ECE1: variants seen among roughly 807,000 people sequenced by gnomAD.
ECE1 encodes the protein endothelin converting enzyme 1.
In ECE1, 35 loss-of-function variants were observed where a neutral mutation model predicts 98.6. The ratio of observed to expected loss-of-function variants is 0.35; its 90% CI spans 0.27 to 0.47. ECE1 has a LOEUF of 0.47. Among genes scored for constraint, ECE1 ranks in the 20% least tolerant of loss-of-function variants. The pLI is 1.00. For synonymous variants in ECE1, 394 were observed against 407.1 expected, an observed-to-expected ratio of 0.97 and a Z score of 0.39; for missense variants, 814 against 1,025.3, an observed-to-expected ratio of 0.79 and a Z score of 2.81.
rs1638991653 is a variant in ECE1, at chr1:21,322,729, G to GA, written c.3+22646dup. On this transcript the variant is annotated intron_variant, in intron 1 of 18. Coordinates refer to the ECE1 transcript ENST00000415912. This position sits in a 1 kb window ranked among gnomAD's most constrained non-coding sequence, Gnocchi z 4.1. ...AGAGGCACAGGAAAGGGGGCAGACA[G>GA]ACAAGGGCCTCTTGTCAGGAAGGAC... is the stretch of plus-strand genomic sequence containing the variant. Among the ~76,000 whole-genome samples, 2 of 152,226 alleles carry GA rather than the reference G, an allele frequency of 1.3e-5. No individual in the cohort carries two copies. The highest frequency in any genetic ancestry group is 2.4e-5 in the African/African-American group (1 of 41,452).
chr1:21,288,190 T>C lies in ECE1; in HGVS notation c.138+1880A>G, dbSNP rs117892821. On this transcript the variant is annotated intron_variant, in intron 2 of 18. Transcript: ENST00000374893. ...CAAGGAAAGTGGAAAATGTATCCAT[T>C]TGGGGACAGGACACTAACTCCAACC... Among the ~76,000 whole-genome samples, 468 of 152,312 alleles carry C rather than the reference T, an allele frequency of 3.1e-3. 7 individuals are homozygous for C. In the East Asian group the frequency reaches 0.046, roughly 15 times the overall value.
intron 4 of ECE1, among the ~76,000 whole-genome samples, chr1:21,269,850 T>C (rs938643389): frequency 6.6e-6 from 1 of 152,310 alleles, no homozygotes; most frequent in African/African-American, 2.4e-5. Flanking sequence ...ACTTCAGAAC[T>C]CTGCGGTCTG....
intron 3 of ECE1, among the ~76,000 whole-genome samples, chr1:21,276,684 CTTTT>C (rs1163785168): frequency 4.8e-5 from 6 of 124,574 alleles, no homozygotes; most frequent in Non-Finnish European, 1.7e-5. Flanking sequence ...GATTTGCTTT[CTTTT>C]TTTTTTTTTT....
intron 10 of ECE1, among the ~76,000 whole-genome samples, chr1:21,244,690 TA>T (rs1246240266): frequency 6.6e-6 from 1 of 152,106 alleles, no homozygotes; most frequent in Non-Finnish European, 1.5e-5. Flanking sequence ...GGGGAAGAAG[TA>T]ATACTATTGG....
intron 3 of ECE1, among the ~76,000 whole-genome samples, chr1:21,278,766 A>G (rs1324383128): frequency 6.6e-6 from 1 of 152,166 alleles, no homozygotes; most frequent in Non-Finnish European, 1.5e-5. Context: ...ATGTCAGCCT[A>G]TGTGTGTAAT....
rs2098166585 is a variant in ECE1 at position 21,220,918 on chromosome 1, G to C, written c.2137-787C>G. ...GGAAGAGACAGTGGGCTGGTGTAGG[G>C]CTGGTGTGCCACCCCCCATGCCAGC... is the stretch of plus-strand genomic sequence containing the variant. On this transcript the variant is annotated intron_variant, in intron 18 of 18. Coordinates refer to ENST00000374893, the MANE Select transcript of ECE1 (RefSeq NM_001397.3). This position sits in a 1 kb window ranked among gnomAD's most constrained non-coding sequence, Gnocchi z 5.0. Among the ~76,000 whole-genome samples, 1 of 152,128 alleles carries C rather than the reference G, an allele frequency of 6.6e-6. No homozygotes were observed. Among genetic ancestry groups the C allele is most frequent in the South Asian group, 2.1e-4 (1 of 4,830 alleles).
chr1:21,220,524 G>A lies in ECE1; in HGVS notation c.2137-393C>T, dbSNP rs2098165981. Reference sequence around the variant, plus strand: ...AAAAAGCAAAACAAGGTTGGGTGTGGTGGCTCATACCTGTAATCCCAGCAC... The same window carrying A: ...AAAAAGCAAAACAAGGTTGGGTGTGATGGCTCATACCTGTAATCCCAGCAC... On this transcript the variant is annotated intron_variant, in intron 18 of 18. Coordinates refer to ENST00000374893, the MANE Select transcript of ECE1 (RefSeq NM_001397.3). The surrounding 1 kb of genome is among the most constrained non-coding windows in gnomAD (Gnocchi z 5.0). Among the ~76,000 whole-genome samples, 1 of 152,056 alleles carries A rather than the reference G, an allele frequency of 6.6e-6. No individual in the cohort carries two copies.
chr1:21,335,373 C>G (rs543729471), intron 1 of ECE1, among the ~76,000 whole-genome samples: 1 of 152,192 alleles, frequency 6.6e-6, no homozygotes, highest in Non-Finnish European at 1.5e-5. Context: ...AGCTTCCTCC[C>G]CTAGAGTGCA....
At chr1:21,250,925 T>C (rs887041731) in intron 8 of ECE1, among the ~76,000 whole-genome samples, 1 of 152,014 alleles carries the variant, frequency 6.6e-6, no homozygotes, top group African/African-American at 2.4e-5. Context: ...GAGAATGGCA[T>C]GAACCCGGGA....
chr1:21,290,548 G>T (rs2098265659), upstream of ECE1: 1 of 1,191,192 alleles, frequency 8.4e-7, no homozygotes, highest in Non-Finnish European at 1.0e-6. The surrounding 1 kb of genome is among the most constrained non-coding windows in gnomAD (Gnocchi z 7.3). Context: ...GGCCTCCCGG[G>T]GAGACCCCAA....
chr1:21,232,098 G>A (rs2098182473), intron 14 of ECE1, among the ~76,000 whole-genome samples: 1 of 152,162 alleles, frequency 6.6e-6, no homozygotes, highest in African/African-American at 2.4e-5. Flanking sequence ...GGGTGTCCTG[G>A]TTGGAGGCTG....
chr1:21,263,719 C>T (rs1032187836), intron 4 of ECE1, among the ~76,000 whole-genome samples: 16 of 152,050 alleles, frequency 1.1e-4, no homozygotes, highest in East Asian at 7.7e-4. Flanking sequence ...GATGAGGGGG[C>T]CCCGCCAGGA....
rs564059876 is a variant in ECE1, at chr1:21,334,778, C to T, written c.3+10598G>A. ...TCGAAGCATCTGGGATGCCTGGCTA[C>T]CTCTCTCCCATCCCTGAAGTAGCAG... On this transcript the variant is annotated intron_variant, in intron 1 of 18. Transcript: ENST00000415912. Among the ~76,000 whole-genome samples the T allele has an allele frequency of 2.6e-5, 4 of 152,232 alleles. No individual in the cohort carries two copies. The East Asian group carries it at 7.7e-4, about 29-fold the overall frequency.
At chr1:21,254,455 G>A (rs1184226550) in intron 8 of ECE1, among the ~76,000 whole-genome samples, 6 of 152,080 alleles carry the variant, frequency 3.9e-5, no homozygotes, top group African/African-American at 1.4e-4. Context: ...CAGCTGGGAG[G>A]CAGGAAAAGC....
rs1347398705 is a variant in ECE1 at position 21,233,796 on chromosome 1, A to C, written c.1567-135T>G. The stretch of plus-strand genomic sequence containing the variant: ...ACCGGAATGCAGGGCTTGGGGCTGC[A>C]GGGTCAGCTCTTCTCTTGGCCTTCA... On this transcript the variant is annotated intron_variant, in intron 13 of 18. Transcript: ENST00000374893. This position sits in a 1 kb window ranked among gnomAD's most constrained non-coding sequence, Gnocchi z 4.0. 1.3e-6 allele frequency: 1 copy of C among 792,108 alleles called. No individual in the cohort carries two copies. Among genetic ancestry groups the C allele is most frequent in the African/African-American group, 1.7e-5 (1 of 58,278 alleles). 49.1% of individuals were successfully genotyped at this position (792,108 alleles called of 1,614,324 possible).
intron 2 of ECE1, among the ~76,000 whole-genome samples, chr1:21,285,357 G>A (rs1449301620): frequency 6.6e-6 from 1 of 152,182 alleles, no homozygotes; most frequent in African/African-American, 2.4e-5. Context: ...GGCAGTCTCT[G>A]GGCCTCAGTC....
chr1:21,339,443 C>T (rs1020528071), intron 1 of ECE1, among the ~76,000 whole-genome samples: 1 of 152,112 alleles, frequency 6.6e-6, no homozygotes, highest in African/African-American at 2.4e-5. Flanking sequence ...CTAGAGGAAT[C>T]GGGGAGCCAC....
intron 1 of ECE1, among the ~76,000 whole-genome samples, chr1:21,301,001 T>C (rs954853227): frequency 1.3e-5 from 2 of 152,116 alleles, no homozygotes; most frequent in Admixed American, 6.5e-5. Flanking sequence ...CTAGCACTCA[T>C]GTCCAGTGTA....
chr1:21,303,219 C>T (rs1391548908), intron 1 of ECE1, among the ~76,000 whole-genome samples: 1 of 152,222 alleles, frequency 6.6e-6, no homozygotes, highest in African/African-American at 2.4e-5. Flanking sequence ...CTCACCTGTT[C>T]AGGGAGGTGG....
Sources: gnomAD v4.1 joint callset for allele counts (sites outside exome capture counted in the v4.1 genomes callset) on GRCh38, gnomAD v4.1.1 for gene constraint, Gnocchi (gnomAD v3.1) non-coding constraint, MANE v1.5 for transcripts, NCBI Gene and HGNC (gene_info 2026-07-23, HGNC 2026-07-21) for gene names.